Variants in WLS observed in about 807,000 individuals in gnomAD.
WLS encodes the protein protein wntless homolog.
A neutral mutation model predicts 62.8 loss-of-function variants in WLS; 23 were observed. The ratio of observed to expected loss-of-function variants is 0.37; its 90% confidence interval spans 0.26 to 0.52. The LOEUF (loss-of-function observed/expected upper bound fraction) is 0.52, where lower values mean the gene tolerates loss of function less well. Among genes scored for constraint, WLS ranks in the 20% least tolerant of loss-of-function variants. The pLI, the probability that WLS is intolerant of heterozygous loss-of-function variation, is 0.92. For missense variants in WLS, 615 were observed against 697.3 expected (o/e 0.88, Z 1.33); for synonymous variants, 246 against 244.1 (o/e 1.01, Z -0.07).
rs1650459986 is a variant in WLS, at chr1:68,232,189, C to T, written c.106+5G>A. 3 of 1,614,006 alleles carry T rather than the reference C, an allele frequency of 1.9e-6. No homozygotes were observed. Among genetic ancestry groups the T allele is most frequent in the African/African-American group, 1.3e-5 (1 of 74,922 alleles). On this transcript the variant is annotated splice_donor_5th_base_variant and intron_variant, in intron 1 of 11. Coordinates refer to ENST00000262348, the MANE Select transcript of WLS (RefSeq NM_024911.7). The stretch of plus-strand genomic sequence containing the variant: ...GGGGAAAAGTTTGCAGCTCTCCGCA[C>T]TTACCAATCAAGCCTCCCACCAGAA...
intron 11 of WLS, chr1:68,127,024 C>CT (rs546375335): frequency 8.6e-4 from 301 of 350,018 alleles, no homozygotes; most frequent in Non-Finnish European, 9.7e-4. Flanking sequence ...GACCCTGACT[C>CT]TAAAAAAAAA....
At chr1:68,203,421 C>T (rs1057250189) in intron 1 of WLS, among the ~76,000 whole-genome samples, 3 of 152,198 alleles carry the variant, frequency 2.0e-5, no homozygotes, top group African/African-American at 7.2e-5. Flanking sequence ...AAGTAGCTTG[C>T]TGAAGCTCCA....
intron 1 of WLS, among the ~76,000 whole-genome samples, chr1:68,204,466 C>A (rs184033110): frequency 9.2e-5 from 14 of 152,156 alleles, no homozygotes; most frequent in African/African-American, 3.1e-4. Context: ...ACCACAGGCG[C>A]CCGGCTAATT....
At chr1:68,173,122 G>C (rs1647178410) in intron 2 of WLS, among the ~76,000 whole-genome samples, 1 of 152,172 alleles carries the variant, frequency 6.6e-6, no homozygotes, top group African/African-American at 2.4e-5. Flanking sequence ...ATTTTCTAAG[G>C]AATTTGTTTA....
intron 1 of WLS, among the ~76,000 whole-genome samples, chr1:68,199,022 A>C (rs1242665284): frequency 1.3e-5 from 2 of 152,170 alleles, no homozygotes; most frequent in Non-Finnish European, 2.9e-5. Flanking sequence ...TCAACATTAA[A>C]TCATTAGCCC....
At chr1:68,132,804 G>T (rs1199870684) in intron 11 of WLS, among the ~76,000 whole-genome samples, 5 of 152,128 alleles carry the variant, frequency 3.3e-5, no homozygotes, top group South Asian at 2.1e-4. Context: ...CTATTATCAA[G>T]AATTGTCTGA....
At chr1:68,131,398 G>C (rs981766894) in intron 11 of WLS, among the ~76,000 whole-genome samples, 1 of 152,088 alleles carries the variant, frequency 6.6e-6, no homozygotes, top group African/African-American at 2.4e-5. Flanking sequence ...AACACCCTCA[G>C]TTAGAAAACA....
At chr1:68,126,917 G>A (rs1646439459) in intron 11 of WLS, among the ~76,000 whole-genome samples, 1 of 152,160 alleles carries the variant, frequency 6.6e-6, no homozygotes, top group Non-Finnish European at 1.5e-5. Flanking sequence ...GGAGCCAGGT[G>A]CAGTGGCTCA....
Position 68,148,550 on chromosome 1 carries a change from A to G in WLS, c.1070+13T>C, listed in dbSNP as rs1381179510. 1 of 1,613,470 alleles carries G rather than the reference A, an allele frequency of 6.2e-7. No homozygotes were observed. The highest frequency in any genetic ancestry group is 1.7e-5 in the Admixed American group (1 of 60,000). ...GCACAGTTTGGCTCAGTGTCCCACA[A>G]ACACTTGCTCACCTCTCACACATGT... On this transcript the variant is annotated intron_variant, in intron 7 of 11. Coordinates refer to ENST00000262348, the MANE Select transcript of WLS (RefSeq NM_024911.7).
At chr1:68,119,525 C>G (rs1570821043) in intron 11 of WLS, among the ~76,000 whole-genome samples, 1 of 152,200 alleles carries the variant, frequency 6.6e-6, no homozygotes. Flanking sequence ...GGCCCTCTAC[C>G]TACAAAGGAT....
rs773376949 is a variant in WLS at position 68,148,203 on chromosome 1, C to T, written c.1071-4G>A. The T allele has an allele frequency of 3.7e-6, 6 of 1,614,092 alleles. No individual in the cohort carries two copies. The highest frequency in any genetic ancestry group is 1.6e-4 in the Middle Eastern group (1 of 6,062). ...GGGATTCGTGAGTTGTACCCCTCTA[C>T]AAAGAAAATGAGATGGAAAGGCAAG... On this transcript the variant is annotated splice_polypyrimidine_tract_variant and splice_region_variant and intron_variant, in intron 7 of 11. Transcript: ENST00000262348.
intron 11 of WLS, among the ~76,000 whole-genome samples, chr1:68,100,480 T>A (rs1263087144): frequency 1.3e-5 from 2 of 152,192 alleles, no homozygotes; most frequent in Non-Finnish European, 2.9e-5. Context: ...CCTCAAGGAA[T>A]ATGCAAACAC....
At chr1:68,231,949 C>A (rs376160842) in intron 1 of WLS, 6 of 591,146 alleles carry the variant, frequency 1.0e-5, no homozygotes, top group Admixed American at 2.6e-5. Flanking sequence ...CCCGCCGCCC[C>A]CCTCTTGCCT....
At chr1:68,176,047 C>G (rs890883823) in intron 2 of WLS, among the ~76,000 whole-genome samples, 1 of 152,158 alleles carries the variant, frequency 6.6e-6, no homozygotes, top group African/African-American at 2.4e-5. Context: ...TTCTTCGTTC[C>G]CATGAATGAG....
chr1:68,102,698 GAA>G (rs1228596422), intron 11 of WLS: 2 of 152,206 alleles, frequency 1.3e-5, no homozygotes, highest in Non-Finnish European at 2.9e-5. Context: ...AACGGGCCTT[GAA>G]ATGTAACCCA....
At chr1:68,191,421 T>A (rs566340053) in intron 2 of WLS, among the ~76,000 whole-genome samples, 1 of 152,198 alleles carries the variant, frequency 6.6e-6, no homozygotes, top group East Asian at 1.9e-4. Flanking sequence ...CAAAAAAAAA[T>A]TTTTAGACAT....
chr1:68,189,567 C>T (rs576667770), intron 2 of WLS, among the ~76,000 whole-genome samples: 1 of 152,140 alleles, frequency 6.6e-6, no homozygotes, highest in East Asian at 1.9e-4. Context: ...AGAACATATC[C>T]CCTGTGGATA....
intron 5 of WLS, among the ~76,000 whole-genome samples, chr1:68,151,030 ACT>A (rs1646818938): frequency 1.3e-5 from 2 of 152,152 alleles, no homozygotes; most frequent in Non-Finnish European, 2.9e-5. Flanking sequence ...CTGTTTTTTC[ACT>A]CACGGGAGAT....
At chr1:68,169,386 C>G (rs189314503) in intron 2 of WLS, among the ~76,000 whole-genome samples, 1 of 152,090 alleles carries the variant, frequency 6.6e-6, no homozygotes, top group Non-Finnish European at 1.5e-5. Flanking sequence ...GAAGTACCAC[C>G]GAATATAGAA....
Sources: allele counts gnomAD v4.1 joint callset (sites outside exome capture counted in the v4.1 genomes callset), GRCh38; gene constraint gnomAD v4.1.1; transcripts MANE v1.5; gene names NCBI Gene and HGNC (gene_info 2026-07-23, HGNC 2026-07-21).